Variants in WWOX observed in about 807,000 individuals in gnomAD.
The protein encoded by WWOX is WW domain containing oxidoreductase, also known as WW domain-containing oxidoreductase.
WWOX carries 69 observed loss-of-function variants against 46.2 expected under a neutral mutation model. That is an observed-to-expected ratio of 1.49 (90% confidence interval 1.23 to 1.82). The LOEUF (loss-of-function observed/expected upper bound fraction) is 1.82. Among genes scored for constraint, WWOX ranks in the 40% most tolerant of loss-of-function variants. WWOX has a pLI of 0.00. For synonymous variants in WWOX, 359 were observed against 202.6 expected (o/e 1.77, Z -6.56); for missense variants, 919 against 542.6 (o/e 1.69, Z -6.89).
intron 8 of WWOX, among the ~76,000 whole-genome samples, chr16:78,596,367 G>A (rs2045490269): frequency 6.6e-6 from 1 of 152,120 alleles, no homozygotes; most frequent in Non-Finnish European, 1.5e-5. Flanking sequence ...AGAGCATGTA[G>A]TGTGGTGGGG....
chr16:78,939,087 T>C (rs2045800165), intron 8 of WWOX, among the ~76,000 whole-genome samples: 1 of 152,214 alleles, frequency 6.6e-6, no homozygotes, highest in African/African-American at 2.4e-5. Context: ...CAGGAGGGCT[T>C]TAGACAGGAC....
At chr16:78,948,859 G>C (rs1033950211) in intron 8 of WWOX, among the ~76,000 whole-genome samples, 2 of 152,122 alleles carry the variant, frequency 1.3e-5, no homozygotes, top group Non-Finnish European at 2.9e-5. Flanking sequence ...GCATGGATCA[G>C]AGTTCTCACA....
intron 5 of WWOX, among the ~76,000 whole-genome samples, chr16:78,195,712 G>A (rs914100773): frequency 6.6e-6 from 1 of 150,496 alleles, no homozygotes; most frequent in African/African-American, 2.4e-5. Context: ...ATCCCAGCTA[G>A]TTGGGAGGCT....
chr16:78,538,131 C>G (rs1293938759), intron 8 of WWOX, among the ~76,000 whole-genome samples: 1 of 145,254 alleles, frequency 6.9e-6, no homozygotes, highest in African/African-American at 2.6e-5. Context: ...TGGCAGTTAC[C>G]TGAAAGAAAA....
chr16:78,566,394 T>TC lies in WWOX; in HGVS notation c.1056+133643dup, dbSNP rs1340251008. Among the ~76,000 whole-genome samples, 6 of 152,194 alleles carry TC rather than the reference T, an allele frequency of 3.9e-5. No homozygotes were observed. The East Asian group carries it at 1.2e-3, about 29-fold the overall frequency. ...AGTATAGTAGTGGGAGAACATGGTA[T>TC]CAGAACCAGGAGAGGGTCCTCTGGC... On this transcript the variant is annotated intron_variant, in intron 8 of 8. Transcript: ENST00000566780.
At chr16:78,762,057 C>G (rs191075677) in intron 8 of WWOX, among the ~76,000 whole-genome samples, 3 of 152,320 alleles carry the variant, frequency 2.0e-5, no homozygotes, top group East Asian at 1.9e-4. Context: ...TTGGTGTCAA[C>G]TCTGTGCTGG....
intron 6 of WWOX, among the ~76,000 whole-genome samples, chr16:78,387,812 A>C (rs2082092181): frequency 6.6e-6 from 1 of 152,110 alleles, no homozygotes; most frequent in Non-Finnish European, 1.5e-5. Flanking sequence ...TTCAAACATG[A>C]GGATTAAGTT....
chr16:78,760,114 A>G (rs1433138273), intron 8 of WWOX, among the ~76,000 whole-genome samples: 1 of 152,194 alleles, frequency 6.6e-6, no homozygotes, highest in Non-Finnish European at 1.5e-5. Flanking sequence ...TCACAGTTCC[A>G]TGTGGCTAGG....
At chr16:78,743,360 C>G (rs1299242944) in intron 8 of WWOX, among the ~76,000 whole-genome samples, 3 of 152,114 alleles carry the variant, frequency 2.0e-5, no homozygotes, top group Non-Finnish European at 4.4e-5. Context: ...CTCATTGATT[C>G]TCAAACAGAA....
At chr16:78,915,868 G>A (rs551003383) in intron 8 of WWOX, among the ~76,000 whole-genome samples, 15 of 152,206 alleles carry the variant, frequency 9.9e-5, no homozygotes, top group South Asian at 2.1e-4. Context: ...CAGGAAGAAC[G>A]CTCAAAGAAG....
intron 1 of WWOX, among the ~76,000 whole-genome samples, chr16:78,101,346 CTTTTTT>C (rs71137871): frequency 1.5e-5 from 1 of 66,822 alleles, no homozygotes; most frequent in Non-Finnish European, 3.0e-5. Context: ...CGCTCCCGGC[CTTTTTT>C]TTTTTTTTTT....
At chr16:78,224,913 A>C (rs2059238) in intron 5 of WWOX, among the ~76,000 whole-genome samples, 128,691 of 152,218 alleles carry the variant, frequency 0.85, 54,907 homozygotes, top group African/African-American at 0.96. Flanking sequence ...ATGATCTATT[A>C]ATGTTCTGTG....
At chr16:78,833,776 A>C (rs982745047) in intron 8 of WWOX, among the ~76,000 whole-genome samples, 7 of 152,254 alleles carry the variant, frequency 4.6e-5, no homozygotes, top group African/African-American at 1.4e-4. Context: ...AAACTGAGGC[A>C]TAAGAGGATC....
At chr16:79,198,617 C>A (rs1425408885) in intron 8 of WWOX, among the ~76,000 whole-genome samples, 1 of 152,170 alleles carries the variant, frequency 6.6e-6, no homozygotes, top group Non-Finnish European at 1.5e-5. Flanking sequence ...TTCTGTGGCT[C>A]AGGATGCTTA....
chr16:79,043,928 C>T (rs1273841108), intron 8 of WWOX, among the ~76,000 whole-genome samples: 1 of 152,214 alleles, frequency 6.6e-6, no homozygotes, highest in Non-Finnish European at 1.5e-5. Flanking sequence ...ATTCACTCTG[C>T]TCGGACCTTT....
chr16:78,741,101 C>G (rs767916008), intron 8 of WWOX, among the ~76,000 whole-genome samples: 1 of 152,160 alleles, frequency 6.6e-6, no homozygotes, highest in Non-Finnish European at 1.5e-5. Flanking sequence ...GAAACACAGT[C>G]ATGCCTGTTA....
At chr16:78,958,915 G>A (rs895576129) in intron 8 of WWOX, among the ~76,000 whole-genome samples, 3 of 152,190 alleles carry the variant, frequency 2.0e-5, no homozygotes, top group East Asian at 1.9e-4. Context: ...ATAGCTTAGT[G>A]GGGAGAGATT....
intron 8 of WWOX, among the ~76,000 whole-genome samples, chr16:78,920,616 A>G (rs1463772372): frequency 1.3e-5 from 2 of 152,128 alleles, no homozygotes; most frequent in African/African-American, 4.8e-5. Flanking sequence ...TCAGAGTGCA[A>G]AGAACATCCA....
intron 8 of WWOX, among the ~76,000 whole-genome samples, chr16:78,793,583 C>T (rs889641640): frequency 6.6e-6 from 1 of 152,148 alleles, no homozygotes; most frequent in East Asian, 1.9e-4. Flanking sequence ...AGCTGTAGTA[C>T]ATAAGAGGTA....
Sources: gnomAD v4.1 joint callset for allele counts (sites outside exome capture counted in the v4.1 genomes callset) on GRCh38, gnomAD v4.1.1 for gene constraint, MANE v1.5 for transcripts, NCBI Gene and HGNC (gene_info 2026-07-23, HGNC 2026-07-21) for gene names.